Variants in ITGB5 observed in about 807,000 individuals in gnomAD.
The protein encoded by ITGB5 is integrin subunit beta 5.
Under a neutral mutation model 84.8 loss-of-function variants are expected in ITGB5, and 38 were observed. That is an observed-to-expected ratio of 0.45 (90% CI 0.35 to 0.59). The LOEUF (loss-of-function observed/expected upper bound fraction) is 0.59, where lower values mean the gene tolerates loss of function less well. ITGB5 is among the 20% of genes least tolerant of loss of function. ITGB5 has a pLI of 0.01. For missense variants in ITGB5, 905 were observed against 1,034.5 expected (o/e 0.87, Z 1.72); for synonymous variants, 393 against 414.4 (o/e 0.95, Z 0.63).
intron 5 of ITGB5, among the ~76,000 whole-genome samples, chr3:124,834,780 A>C (rs755216404): frequency 3.3e-5 from 5 of 152,158 alleles, no homozygotes; most frequent in Non-Finnish European, 7.4e-5. Context: ...AGAGGAAACA[A>C]CACATGCAAA....
chr3:124,774,047 G>T, intron 10 of ITGB5, 135 bp from the exon 11 acceptor site: 1 of 795,428 alleles, frequency 1.3e-6, no homozygotes, highest in South Asian at 1.7e-5. Context: ...GCCTGTTTGG[G>T]GAGATAGACA....
intron 3 of ITGB5, among the ~76,000 whole-genome samples, chr3:124,853,680 T>C (rs1358013060): frequency 6.6e-6 from 1 of 152,070 alleles, no homozygotes; most frequent in African/African-American, 2.4e-5. Flanking sequence ...AGGAAAAAAA[T>C]AGGGGCTGGC....
chr3:124,892,452 G>C (rs573711377), upstream of ITGB5, among the ~76,000 whole-genome samples: 91 of 151,352 alleles, frequency 6.0e-4, no homozygotes, highest in Non-Finnish European at 1.1e-3. Context: ...TGGGAGGAAG[G>C]GGGGAGGGAG....
At chr3:124,804,549 A>AAAAATAAAAT (rs59075905) in intron 9 of ITGB5, among the ~76,000 whole-genome samples, 8 of 152,202 alleles carry the variant, frequency 5.3e-5, no homozygotes, top group African/African-American at 1.9e-4. Flanking sequence ...CCCTGTCTCT[A>AAAAATAAAAT]AAAATAAAAT....
At chr3:124,817,061 A>G (rs2064612439) in intron 8 of ITGB5, among the ~76,000 whole-genome samples, 1 of 152,162 alleles carries the variant, frequency 6.6e-6, no homozygotes, top group Admixed American at 6.5e-5. Context: ...CTCTCTATAT[A>G]TATTTTTAAA....
At chr3:124,799,228 C>A (rs1364384510) in intron 9 of ITGB5, among the ~76,000 whole-genome samples, 1 of 152,174 alleles carries the variant, frequency 6.6e-6, no homozygotes, top group Non-Finnish European at 1.5e-5. Context: ...AAGATTCAAT[C>A]CACTTGGACA....
rs551088370 is a variant in ITGB5 at position 124,806,678 on chromosome 3, C to T, written c.1263+2344G>A. Among the ~76,000 whole-genome samples, 43 of 152,060 alleles carry T rather than the reference C, an allele frequency of 2.8e-4. No homozygotes were observed. In the South Asian group the frequency reaches 8.1e-3, roughly 29 times the overall value. On this transcript the variant is annotated intron_variant, in intron 9 of 14. Coordinates refer to ENST00000296181, the MANE Select transcript of ITGB5 (RefSeq NM_002213.5). ...GGTCTCGATCTCCTAACTTCATGAT[C>T]CACCCGCCTAGGCCTTCCAAAGTGC... is the stretch of plus-strand genomic sequence containing the variant.
At chr3:124,850,039 C>A (rs1304465207) in intron 3 of ITGB5, among the ~76,000 whole-genome samples, 1 of 152,152 alleles carries the variant, frequency 6.6e-6, no homozygotes, top group Admixed American at 6.5e-5. Context: ...TCCTGCCCAG[C>A]GGGTCTACAC....
chr3:124,799,247 G>C (rs1189410354), intron 9 of ITGB5, among the ~76,000 whole-genome samples: 1 of 152,184 alleles, frequency 6.6e-6, no homozygotes, highest in Non-Finnish European at 1.5e-5. Flanking sequence ...CACTGAAATT[G>C]GTTAAAGGAT....
chr3:124,821,439 C>G lies in ITGB5; in HGVS notation c.816G>C (p.Leu272Phe). 1 of 1,614,230 alleles carries G rather than the reference C, an allele frequency of 6.2e-7. No homozygotes were observed. Among genetic ancestry groups the G allele is most frequent in the Non-Finnish European group, 8.5e-7 (1 of 1,180,038 alleles). The change falls in exon 6 of 15, where the codon TTG becomes TTC. Residue 272 changes from leucine (L) to phenylalanine (F), a missense_variant. Coordinates refer to ENST00000296181, the MANE Select transcript of ITGB5 (RefSeq NM_002213.5). ...KIGWRKDALH[L>F]LVFTTDDVPH... is the part of the protein sequence containing the mutation. ...GCACATCATCTGTTGTGAACACCAG[C>G]AAATGCAGTGCATCCTTTCGCCAGC...
intron 10 of ITGB5, chr3:124,787,825 T>C (rs1265906301): frequency 6.6e-6 from 1 of 152,184 alleles, no homozygotes; most frequent in Non-Finnish European, 1.5e-5. Context: ...AGATGTATTA[T>C]TTCATTATAG....
intron 10 of ITGB5, among the ~76,000 whole-genome samples, chr3:124,790,454 T>TCAGAACCGCCTTTGACTAGACAGGGTTAC (rs2064133306): frequency 7.0e-6 from 1 of 143,830 alleles, no homozygotes; most frequent in African/African-American, 2.6e-5. Context: ...GACAGGGTTA[T>TCAGAACCGCCTTTGACTAGACAGGGTTAC]CAGAACCGCC....
intron 6 of ITGB5, 67 bp downstream of exon 6, chr3:124,821,246 T>G (rs1579250201): frequency 1.3e-6 from 2 of 1,529,388 alleles, no homozygotes; most frequent in Non-Finnish European, 1.8e-6. Flanking sequence ...GCTGGGCAAG[T>G]ACTAAGACCA....
intron 2 of ITGB5, among the ~76,000 whole-genome samples, chr3:124,870,746 A>C (rs1933981020): frequency 9.1e-6 from 1 of 110,040 alleles, no homozygotes; most frequent in African/African-American, 3.0e-5. Context: ...AAAAAAAAAA[A>C]ACCCCAGTGG....
chr3:124,811,194 C>A (rs1483935407), intron 8 of ITGB5, among the ~76,000 whole-genome samples: 3 of 152,152 alleles, frequency 2.0e-5, no homozygotes, highest in Non-Finnish European at 4.4e-5. Context: ...CTGTGATTAG[C>A]TATTTGCAGA....
At chr3:124,821,586 C>T (rs2064704986) in intron 5 of ITGB5, 112 bp from the exon 6 acceptor site, 2 of 1,180,636 alleles carry the variant, frequency 1.7e-6, no homozygotes, top group South Asian at 1.4e-5. Context: ...AGGCATTCCC[C>T]TTGCCATGTG....
intron 9 of ITGB5, among the ~76,000 whole-genome samples, chr3:124,808,368 T>C (rs1476582825): frequency 6.6e-6 from 1 of 152,186 alleles, no homozygotes; most frequent in Admixed American, 6.5e-5. Context: ...CTCCAGAAGA[T>C]GTGTGGCTAG....
intron 1 of ITGB5, chr3:124,878,666 AT>A (rs1934438595): frequency 6.6e-6 from 1 of 152,132 alleles, no homozygotes. Context: ...GTACTCCAGG[AT>A]CCAAAACCAC....
At chr3:124,769,156 A>T (rs771314834) in intron 11 of ITGB5, 43 bp from the exon 12 acceptor site, 1 of 1,524,012 alleles carries the variant, frequency 6.6e-7, no homozygotes, top group Admixed American at 1.7e-5. Flanking sequence ...GATAATGTAG[A>T]ACAGTCCCAC....
Sources: allele counts gnomAD v4.1 joint callset (sites outside exome capture counted in the v4.1 genomes callset), GRCh38; gene constraint gnomAD v4.1.1; transcripts MANE v1.5; gene names NCBI Gene and HGNC (gene_info 2026-07-23, HGNC 2026-07-21).